The following B3GNT3 variants were observed in gnomAD, a reference collection of about 807,000 sequenced individuals.
B3GNT3 encodes the protein N-acetyllactosaminide beta-1,3-N-acetylglucosaminyltransferase 3.
In B3GNT3, 7 loss-of-function variants were observed where a neutral mutation model predicts 11.6. The ratio of observed to expected loss-of-function variants is 0.60; its 90% CI spans 0.34 to 1.13. The LOEUF is 1.13. Ranked by LOEUF, B3GNT3 falls within the 50% of genes most tolerant of loss-of-function variation. The pLI is 0.03. For missense variants in B3GNT3, 400 were observed against 507.4 expected (o/e 0.79, Z 2.03); for synonymous variants, 201 against 222.1 (o/e 0.90, Z 0.85).
chr19:17,797,476 T>C (rs1425874694), intron 1 of B3GNT3, among the ~76,000 whole-genome samples: 12 of 152,104 alleles, frequency 7.9e-5, no homozygotes, highest in Admixed American at 7.9e-4. Flanking sequence ...TCCCCATCTA[T>C]GGAGTGAGCC....
intron 1 of B3GNT3, among the ~76,000 whole-genome samples, chr19:17,807,111 A>AGTGTGTGTGTGTGTGTGGGT (rs2094174040): frequency 8.6e-6 from 1 of 116,242 alleles, no homozygotes; most frequent in Admixed American, 9.4e-5. Flanking sequence ...CAGTGGCCCC[A>AGTGTGTGTGTGTGTGTGGGT]GTGTGTGTGT....
intron 1 of B3GNT3, among the ~76,000 whole-genome samples, chr19:17,802,584 G>A (rs2094167623): frequency 2.0e-5 from 3 of 152,128 alleles, no homozygotes; most frequent in Admixed American, 2.0e-4. Flanking sequence ...GACATTTCAG[G>A]GGAAGCCTAA....
chr19:17,804,852 CA>C (rs1041828682), intron 1 of B3GNT3, among the ~76,000 whole-genome samples: 78 of 151,818 alleles, frequency 5.1e-4, no homozygotes, highest in African/African-American at 1.7e-3. Flanking sequence ...CCACTGCACC[CA>C]GCCCTTCACC....
chr19:17,796,458 C>T (rs2094159649), intron 1 of B3GNT3, among the ~76,000 whole-genome samples: 1 of 152,198 alleles, frequency 6.6e-6, no homozygotes, highest in South Asian at 2.1e-4. Flanking sequence ...GGGCGGGGGA[C>T]TCCTGCAGTC....
chr19:17,811,705 C>T lies in B3GNT3; in HGVS notation c.702C>T (p.Phe234=), dbSNP rs371110502. The T allele has an allele frequency of 3.1e-6, 5 of 1,614,128 alleles. No homozygotes were observed. The highest frequency in any genetic ancestry group is 4.2e-6 in the Non-Finnish European group (5 of 1,180,066). The change falls in exon 3 of 3, where the codon TTC becomes TTT. Residue 234 remains phenylalanine (F), a synonymous_variant. Transcript: ENST00000318683. The surrounding 1 kb of genome is among the most constrained non-coding windows in gnomAD (Gnocchi z 4.1). ...ACCATGACCCTGGCCGCCACCTCTT[C>T]GTGGGGCAACTGATCCAAAACGTGG... is the stretch of plus-strand genomic sequence containing the variant. The part of the protein sequence containing the change: ...LQDHDPGRHL[F]VGQLIQNVGP...
At position 17,808,216 on chromosome 19, in the gene B3GNT3, C is replaced by CG; in HGVS notation, c.413dup (p.Leu139PhefsTer73). On this transcript the variant is annotated frameshift_variant, in exon 2 of 3. Coordinates refer to ENST00000318683, the MANE Select transcript of B3GNT3 (RefSeq NM_014256.4). LOFTEE classifies it high-confidence loss of function. ...CACGTGGGGCCGCGAGCGCAAGGTA[C>CG]GGGGTTTGCAGCTGCGCCTCCTCTT... The CG allele has an allele frequency of 1.2e-6, 2 of 1,613,366 alleles. No homozygotes were observed. The highest frequency in any genetic ancestry group is 2.2e-5 in the South Asian group (2 of 91,050).
At chr19:17,809,173 T>A (rs1046785904) in intron 2 of B3GNT3, among the ~76,000 whole-genome samples, 1 of 151,758 alleles carries the variant, frequency 6.6e-6, no homozygotes, top group Non-Finnish European at 1.5e-5. Flanking sequence ...TGTCTCCCCA[T>A]GAGGCTGGGG....
Position 17,811,457 on chromosome 19 carries a change from G to A in B3GNT3, c.568-114G>A. 1 of 1,127,078 alleles carries A rather than the reference G, an allele frequency of 8.9e-7. No individual in the cohort carries two copies. Among genetic ancestry groups the A allele is most frequent in the Non-Finnish European group, 1.2e-6 (1 of 809,314 alleles). 69.8% of individuals were successfully genotyped at this position (1,127,078 alleles called of 1,614,324 possible). On this transcript the variant is annotated intron_variant, in intron 2 of 2. Transcript: ENST00000318683. The surrounding 1 kb of genome is among the most constrained non-coding windows in gnomAD (Gnocchi z 4.1). ...CCCACAGGGCAGGGCCTTAACCCAG[G>A]CTGGATTGTGGACACTTCCTTTCCT... is the stretch of plus-strand genomic sequence containing the variant.
intron 1 of B3GNT3, among the ~76,000 whole-genome samples, chr19:17,797,881 G>C (rs2094161268): frequency 6.6e-6 from 1 of 152,148 alleles, no homozygotes; most frequent in African/African-American, 2.4e-5. Flanking sequence ...CTTGTAAAAA[G>C]GGACCAGCCT....
chr19:17,795,704 G>A (rs2094158773), intron 1 of B3GNT3, among the ~76,000 whole-genome samples: 1 of 152,194 alleles, frequency 6.6e-6, no homozygotes, highest in Non-Finnish European at 1.5e-5. Flanking sequence ...CCCTGGCTGC[G>A]TGGCATGGAC....
intron 1 of B3GNT3, among the ~76,000 whole-genome samples, chr19:17,804,704 C>T (rs1012516333): frequency 2.0e-5 from 3 of 151,234 alleles, no homozygotes; most frequent in Non-Finnish European, 4.4e-5. Context: ...GCCACCACGC[C>T]CTGCTAATTT....
At chr19:17,796,949 G>C (rs982221783) in intron 1 of B3GNT3, among the ~76,000 whole-genome samples, 3 of 152,156 alleles carry the variant, frequency 2.0e-5, no homozygotes, top group Admixed American at 2.0e-4. Flanking sequence ...CCCTCTTCCT[G>C]GTGGGAATCT....
At chr19:17,808,854 T>A (rs548331631) in intron 2 of B3GNT3, among the ~76,000 whole-genome samples, 38 of 152,300 alleles carry the variant, frequency 2.5e-4, no homozygotes, top group African/African-American at 7.0e-4. Context: ...TTATTTATTT[T>A]TTTTTAATGG....
chr19:17,810,553 G>A (rs962713518), intron 2 of B3GNT3, among the ~76,000 whole-genome samples: 2 of 152,066 alleles, frequency 1.3e-5, no homozygotes, highest in African/African-American at 4.8e-5. Context: ...GGCCCAAGGA[G>A]GGAAGTCCAG....
chr19:17,805,330 C>T (rs747730114), intron 1 of B3GNT3, among the ~76,000 whole-genome samples: 15 of 152,012 alleles, frequency 9.9e-5, no homozygotes, highest in Non-Finnish European at 2.1e-4. Flanking sequence ...AACTCCTAAG[C>T]TCAAGCGATC....
In B3GNT3 at chr19:17,812,184, TCCC is replaced by T; in HGVS notation, c.*63_*65del. 2 of 1,493,048 alleles carry T rather than the reference TCCC, an allele frequency of 1.3e-6. No individual in the cohort carries two copies. The highest frequency in any genetic ancestry group is 1.8e-6 in the Non-Finnish European group (2 of 1,127,612). 92.5% of individuals were successfully genotyped at this position (1,493,048 alleles called of 1,614,324 possible). ...TCCATAGGAAGGGGCGACACCTTCC[TCCC>T]AGGAAGCTGAGACCTTTGTGGTCTG... On this transcript the variant is annotated 3_prime_UTR_variant, in exon 3 of 3. Transcript: ENST00000318683.
At chr19:17,802,823 A>G (rs1423233251) in intron 1 of B3GNT3, among the ~76,000 whole-genome samples, 4 of 151,624 alleles carry the variant, frequency 2.6e-5, no homozygotes, top group Non-Finnish European at 4.4e-5. Flanking sequence ...GACTAAAGGC[A>G]TACACCACCA....
chr19:17,795,476 T>C (rs940484459), intron 1 of B3GNT3, among the ~76,000 whole-genome samples: 3 of 152,142 alleles, frequency 2.0e-5, no homozygotes, highest in Non-Finnish European at 4.4e-5. Flanking sequence ...CCCTCCCAGA[T>C]TGGGCGGGAT....
At chr19:17,800,090 T>G (rs2147646237) in intron 1 of B3GNT3, among the ~76,000 whole-genome samples, 1 of 152,174 alleles carries the variant, frequency 6.6e-6, no homozygotes, top group Admixed American at 6.5e-5. Flanking sequence ...AGAACAGGGT[T>G]GAGACTGGGC....
Sources: allele counts gnomAD v4.1 joint callset (sites outside exome capture counted in the v4.1 genomes callset), GRCh38; gene constraint gnomAD v4.1.1; non-coding constraint Gnocchi (gnomAD v3.1); transcripts MANE v1.5; gene names NCBI Gene and HGNC (gene_info 2026-07-23, HGNC 2026-07-21).